The following GANAB variants were observed in gnomAD, a reference collection of about 807,000 sequenced individuals.
The protein encoded by GANAB is glucosidase II alpha subunit.
A neutral mutation model predicts 129.9 loss-of-function variants in GANAB; 35 were observed. The observed-to-expected ratio is 0.27, with a 90% CI of 0.21 to 0.36. The LOEUF is 0.36. Ranked by LOEUF, GANAB falls within the 10% of genes least tolerant of loss-of-function variation. The pLI is 1.00. For missense variants in GANAB, 939 were observed against 1,221.0 expected, an observed-to-expected ratio of 0.77 and a Z score of 3.44; for synonymous variants, 482 against 451.8, an observed-to-expected ratio of 1.07 and a Z score of -0.85.
At position 62,625,778 on chromosome 11, in the gene GANAB, T is replaced by TCCC; in HGVS notation, c.*34_*36dup. ...AAAGAATATCTCTCAGCACTAATGC[T>TCCC]CCCCTTCCCTCCCCCTAACCCAGAA... On this transcript the variant is annotated 3_prime_UTR_variant, in exon 24 of 24. Transcript: ENST00000356638. 8.1e-7 allele frequency: 1 copy of TCCC among 1,239,436 alleles called. No homozygotes were observed. The allele number at this position is 1,239,436 out of a possible 1,614,324, so 76.8% of individuals were successfully genotyped here.
chr11:62,627,996 TCA>T (rs1943479284), intron 17 of GANAB, among the ~76,000 whole-genome samples: 1 of 152,156 alleles, frequency 6.6e-6, no homozygotes, highest in South Asian at 2.1e-4. Context: ...CAGGAGCAGA[TCA>T]CACTTTCTTC....
Position 62,627,055 on chromosome 11 carries a change from T to C in GANAB, c.2315A>G (p.Gln772Arg). 1 of 1,613,508 alleles carries C rather than the reference T, an allele frequency of 6.2e-7. No individual in the cohort carries two copies. Among genetic ancestry groups the C allele is most frequent in the Non-Finnish European group, 8.5e-7 (1 of 1,179,466 alleles). Residue 772 changes from glutamine to arginine, a missense_variant, in exon 19 of 24, where the codon CAA becomes CGA. By Grantham distance (43) the Gln-to-Arg change is conservative. This residue lies in a region of GANAB where 230 missense variants were observed against 259.9 expected (regional missense o/e 0.89). Transcript: ENST00000356638. The part of the protein sequence containing the change: ...AHGVQVYLPG[Q>R]GEVWYDIQSY... ...TGCCCTTCCTTAACTCACCTCCCCT[T>C]GGCCAGGCAGATAGACCTGGACACC...
chr11:62,633,626 G>A (rs1005979705), intron 5 of GANAB, 112 bp from the exon 6 acceptor site: 2 of 889,568 alleles, frequency 2.2e-6, no homozygotes, highest in Non-Finnish European at 3.7e-6. Flanking sequence ...CGAAGGCATT[G>A]GAGGAAGGGA....
At position 62,646,608 on chromosome 11, in the gene GANAB, G is replaced by A; in HGVS notation, c.-9C>T. 6.2e-7 allele frequency: 1 copy of A among 1,613,948 alleles called. No homozygotes were observed. Among genetic ancestry groups the A allele is most frequent in the Non-Finnish European group, 8.5e-7 (1 of 1,179,954 alleles). ...GCCGCTACCGCCGCCATCTTGTGCA[G>A]AGTTTGCTCCTTGACCCCAAACCTC... On this transcript the variant is annotated 5_prime_UTR_variant, in exon 1 of 24. Transcript: ENST00000356638.
intron 1 of GANAB, among the ~76,000 whole-genome samples, chr11:62,643,842 G>C (rs1422075629): frequency 6.6e-6 from 1 of 152,164 alleles, no homozygotes; most frequent in African/African-American, 2.4e-5. Context: ...AGTTGCCCAG[G>C]CTTGTCTTGA....
chr11:62,630,820 G>T lies in GANAB; in HGVS notation c.1167C>A (p.Pro389=). 6.2e-7 allele frequency: 1 copy of T among 1,613,642 alleles called. No homozygotes were observed. Among genetic ancestry groups the T allele is most frequent in the South Asian group, 1.1e-5 (1 of 91,060 alleles). The change falls in exon 11 of 24, where the codon CCC becomes CCA. Residue 389 remains proline, a synonymous_variant. Transcript: ENST00000356638. ...YASLTGTQAL[P]PLFSLGYHQS... is the part of the protein sequence containing the mutation. Reference sequence around the variant, plus strand: ...GGTGGTAGCCGAGGGAGAAGAGTGGGGGCAACGCCTGGGTTCCTGCAGGTT... The same window carrying T: ...GGTGGTAGCCGAGGGAGAAGAGTGGTGGCAACGCCTGGGTTCCTGCAGGTT...
chr11:62,633,434 C>T lies in GANAB; in HGVS notation c.630+11G>A. ...GCCCTATCCTCCAACCACCCACCCG[C>T]TCCAACTTGCCTTGTCGCCATCCCT... is the stretch of plus-strand genomic sequence containing the variant. On this transcript the variant is annotated intron_variant, in intron 6 of 23. Transcript: ENST00000356638. 1.2e-6 allele frequency: 2 copies of T among 1,613,686 alleles called. No homozygotes were observed. Among genetic ancestry groups the T allele is most frequent in the East Asian group, 2.2e-5 (1 of 44,878 alleles).
chr11:62,629,762 T>C, intron 14 of GANAB, 52 bp downstream of exon 14: 6 of 1,610,112 alleles, frequency 3.7e-6, no homozygotes, highest in Non-Finnish European at 5.1e-6. Flanking sequence ...AGGCCCTCAG[T>C]CTCTGGGCTG....
rs1359884719 is a variant in GANAB at position 62,646,595 on chromosome 11, G to A, written c.5C>T (p.Ala2Val). 1.9e-6 allele frequency: 3 copies of A among 1,613,850 alleles called. No individual in the cohort carries two copies. The highest frequency in any genetic ancestry group is 1.7e-6 in the Non-Finnish European group (2 of 1,179,972). Reference protein sequence around the residue: MAAVAAVAARRR... With the variant: MVAVAAVAARRR... The stretch of plus-strand genomic sequence containing the variant: ...ACGCGCCGCCACTGCCGCTACCGCC[G>A]CCATCTTGTGCAGAGTTTGCTCCTT... Residue 2 changes from alanine (A) to valine (V), a missense_variant, in exon 1 of 24, where the codon GCG becomes GTG. Physicochemically the swap from Ala to Val is moderately conservative, Grantham distance 64. Transcript: ENST00000356638.
rs1021882378 is a variant in GANAB at position 62,625,683 on chromosome 11, A to C, written c.*132T>G. 1.5e-6 allele frequency: 1 copy of C among 671,966 alleles called. No individual in the cohort carries two copies. Among genetic ancestry groups the C allele is most frequent in the African/African-American group, 1.8e-5 (1 of 56,582 alleles). 41.6% of individuals were successfully genotyped at this position (671,966 alleles called of 1,614,324 possible). ...GGGTCAGCCCTCTCATCCTGCCCAA[A>C]TGTTGGCAGAATCTGGGTCTTAGAC... On this transcript the variant is annotated 3_prime_UTR_variant, in exon 24 of 24. Coordinates refer to ENST00000356638, the MANE Select transcript of GANAB (RefSeq NM_198334.3).
rs114915323 is a variant in GANAB, at chr11:62,626,411, G to A, written c.2548C>T (p.His850Tyr). 1.7e-3 allele frequency: 2,731 copies of A among 1,613,250 alleles called. 29 individuals carry two copies. In the African/African-American group the frequency reaches 0.029, roughly 17 times the overall value. ...TGGCGAGTCTGATAGTTGAACGTGT[G>A]CCCATCATCCAGAAAGAGCTCTCCT... Reference protein sequence around the residue: ...AQGELFLDDGHTFNYQTRQEF... With the variant: ...AQGELFLDDGYTFNYQTRQEF... The change falls in exon 22 of 24, where the codon CAC becomes TAC. Residue 850 changes from histidine (H) to tyrosine (Y), a missense_variant. Physicochemically the swap from His to Tyr is moderately conservative, Grantham distance 83 (BLOSUM62 2). Coordinates refer to ENST00000356638, the MANE Select transcript of GANAB (RefSeq NM_198334.3).
chr11:62,634,746 TC>T, intron 5 of GANAB, 74 bp downstream of exon 5: 2 of 1,233,952 alleles, frequency 1.6e-6, no homozygotes, highest in Non-Finnish European at 2.3e-6. Context: ...CACCGTCTCC[TC>T]CCCGTGCCAG....
intron 4 of GANAB, among the ~76,000 whole-genome samples, chr11:62,638,497 T>C (rs1399812352): frequency 6.6e-6 from 1 of 151,978 alleles, no homozygotes; most frequent in African/African-American, 2.4e-5. Flanking sequence ...AAGTCATGGA[T>C]GGATGCATGG....
Position 62,629,842 on chromosome 11 carries a change from TC to T in GANAB, c.1708del (p.Asp570MetfsTer18). On this transcript the variant is annotated frameshift_variant, in exon 14 of 24. Coordinates refer to ENST00000356638, the MANE Select transcript of GANAB (RefSeq NM_198334.3). LOFTEE classifies it high-confidence loss of function. ...AQHYGGWEHR[D>X]VHNIYGLYVH... is the part of the protein sequence containing the mutation. ...ATAAAGGCCATAGATGTTATGCACA[TC>T]CCGGTGCTCCCAGCCCCCATAATGC... The T allele has an allele frequency of 6.2e-7, 1 of 1,614,130 alleles. No homozygotes were observed. The highest frequency in any genetic ancestry group is 8.5e-7 in the Non-Finnish European group (1 of 1,180,014).
chr11:62,641,790 G>A (rs1723248118), intron 1 of GANAB, among the ~76,000 whole-genome samples: 1 of 151,994 alleles, frequency 6.6e-6, no homozygotes, highest in South Asian at 2.1e-4. Flanking sequence ...ATGTTGGCCA[G>A]GCTGATCTTG....
chr11:62,636,367 G>A (rs986292847), intron 4 of GANAB, among the ~76,000 whole-genome samples: 6 of 152,110 alleles, frequency 3.9e-5, no homozygotes, highest in African/African-American at 9.7e-5. Flanking sequence ...TTGGGAGGCC[G>A]AGGCAGGTGG....
chr11:62,625,802 A>G lies in GANAB; in HGVS notation c.*13T>C. ...CTCCCCTTCCCTCCCCCTAACCCAG[A>G]ACATCCCTTGGGTTATCGCAGGTGA... is the stretch of plus-strand genomic sequence containing the variant. On this transcript the variant is annotated 3_prime_UTR_variant, in exon 24 of 24. Coordinates refer to ENST00000356638, the MANE Select transcript of GANAB (RefSeq NM_198334.3). The G allele has an allele frequency of 2.0e-6, 3 of 1,508,552 alleles. No homozygotes were observed. Among genetic ancestry groups the G allele is most frequent in the Non-Finnish European group, 2.8e-6 (3 of 1,084,338 alleles). 93.4% of individuals were successfully genotyped at this position (1,508,552 alleles called of 1,614,324 possible).
At chr11:62,633,685 G>A in intron 5 of GANAB, 171 bp from the exon 6 acceptor site, 1 of 626,038 alleles carries the variant, frequency 1.6e-6, no homozygotes, top group South Asian at 1.9e-5. Flanking sequence ...AGATAAGTTT[G>A]CAAAGGATGG....
intron 2 of GANAB, 63 bp from the exon 3 acceptor site, chr11:62,639,530 T>C (rs1944124393): frequency 8.3e-6 from 12 of 1,448,390 alleles, no homozygotes; most frequent in Non-Finnish European, 1.2e-5. Context: ...AGTCAGTCTA[T>C]CACCTGCAGT....
Sources: allele counts gnomAD v4.1 joint callset (sites outside exome capture counted in the v4.1 genomes callset), GRCh38; gene constraint gnomAD v4.1.1; regional missense constraint gnomAD v4.1.1; transcripts MANE v1.5; gene names NCBI Gene and HGNC (gene_info 2026-07-23, HGNC 2026-07-21).